The following SLCO3A1 variants were observed in gnomAD, a reference collection of about 807,000 sequenced individuals.
The protein encoded by SLCO3A1 is PGE1 transporter.
A neutral mutation model predicts 63.1 loss-of-function variants in SLCO3A1; 27 were observed. That is an observed-to-expected ratio of 0.43 (90% CI 0.32 to 0.59). The LOEUF is 0.59. SLCO3A1 is among the 20% of genes least tolerant of loss of function. The pLI is 0.09. For missense variants in SLCO3A1, 773 were observed against 945.8 expected (o/e 0.82, Z 2.40); for synonymous variants, 473 against 409.9 (o/e 1.15, Z -1.86).
chr15:91,914,890 A>G (rs1425678443), intron 1 of SLCO3A1, among the ~76,000 whole-genome samples: 2 of 152,056 alleles, frequency 1.3e-5, no homozygotes, highest in Non-Finnish European at 2.9e-5. Context: ...TTTCTCTTCC[A>G]TGATGAAATC....
intron 2 of SLCO3A1, among the ~76,000 whole-genome samples, chr15:91,926,931 G>C (rs1189426528): frequency 2.6e-5 from 4 of 152,120 alleles, no homozygotes; most frequent in Admixed American, 6.5e-5. Context: ...GTTAGACTTT[G>C]GTGACAGGCA....
At chr15:92,069,947 A>G (rs2047195753) in intron 2 of SLCO3A1, among the ~76,000 whole-genome samples, 1 of 152,256 alleles carries the variant, frequency 6.6e-6, no homozygotes, top group Non-Finnish European at 1.5e-5. Context: ...TTATAATAAG[A>G]AAGTGAAAAT....
chr15:92,030,409 G>T (rs7498044), intron 2 of SLCO3A1, among the ~76,000 whole-genome samples: 1 of 152,076 alleles, frequency 6.6e-6, no homozygotes, highest in Non-Finnish European at 1.5e-5. Flanking sequence ...GATGGTGGTG[G>T]TGGGCTGGCA....
intron 1 of SLCO3A1, among the ~76,000 whole-genome samples, chr15:91,913,741 T>C (rs566036960): frequency 6.6e-6 from 1 of 152,334 alleles, no homozygotes; most frequent in African/African-American, 2.4e-5. Flanking sequence ...TCCATATTTG[T>C]AGATTTGGAG....
chr15:92,155,133 G>A (rs564539833), intron 9 of SLCO3A1: 2 of 152,186 alleles, frequency 1.3e-5, no homozygotes, highest in South Asian at 2.1e-4. Flanking sequence ...TAAACTGAAC[G>A]ATCTACTCAT....
intron 1 of SLCO3A1, among the ~76,000 whole-genome samples, chr15:91,891,140 GA>G (rs72116786): frequency 0.34 from 48,145 of 141,754 alleles, 10,573 homozygotes; most frequent in African/African-American, 0.63. Flanking sequence ...TGGCATTTTG[GA>G]AAAAAAAAAA....
chr15:92,101,937 C>G (rs1228910018), intron 3 of SLCO3A1, among the ~76,000 whole-genome samples: 1 of 152,168 alleles, frequency 6.6e-6, no homozygotes, highest in Non-Finnish European at 1.5e-5. Context: ...GACACGTTCA[C>G]ACAAACCACC....
intron 1 of SLCO3A1, among the ~76,000 whole-genome samples, chr15:91,867,127 G>A (rs1449719878): frequency 2.0e-5 from 3 of 152,218 alleles, no homozygotes; most frequent in East Asian, 3.9e-4. Context: ...AGTTAGCAGC[G>A]CGGAGGCTGT....
intron 7 of SLCO3A1, among the ~76,000 whole-genome samples, chr15:92,142,780 C>T (rs749196494): frequency 3.9e-5 from 6 of 152,102 alleles, no homozygotes; most frequent in Admixed American, 6.5e-5. Context: ...CTCATTTTAT[C>T]CCATTCCATG....
chr15:92,155,904 A>G (rs1567152246), intron 9 of SLCO3A1, among the ~76,000 whole-genome samples: 1 of 152,150 alleles, frequency 6.6e-6, no homozygotes, highest in Non-Finnish European at 1.5e-5. Context: ...CCACAATACC[A>G]CTACAAACTC....
intron 1 of SLCO3A1, among the ~76,000 whole-genome samples, chr15:91,880,170 C>T (rs4600443): frequency 0.37 from 44,732 of 119,372 alleles, 8,737 homozygotes; most frequent in African/African-American, 0.43. Flanking sequence ...TCCATCCATC[C>T]ATCTATCTAT....
intron 2 of SLCO3A1, among the ~76,000 whole-genome samples, chr15:92,025,206 G>T (rs1293553954): frequency 1.3e-5 from 2 of 148,948 alleles, no homozygotes; most frequent in Non-Finnish European, 1.5e-5. Flanking sequence ...TTTTTCTTGG[G>T]TTTTTTGTTT....
chr15:91,857,102 C>CTGTG (rs1207877760), intron 1 of SLCO3A1, among the ~76,000 whole-genome samples: 1 of 126,522 alleles, frequency 7.9e-6, no homozygotes, highest in Non-Finnish European at 1.8e-5. Flanking sequence ...GTGTGTGTGT[C>CTGTG]TGTGTGTGTG....
intron 2 of SLCO3A1, among the ~76,000 whole-genome samples, chr15:91,922,817 C>A (rs1469956753): frequency 6.6e-6 from 1 of 152,190 alleles, no homozygotes. Context: ...TTTGTTTTGG[C>A]CATATTCCAT....
downstream of SLCO3A1, chr15:92,165,916 C>T (rs940482301): frequency 2.0e-6 from 2 of 984,836 alleles, no homozygotes; most frequent in Non-Finnish European, 2.4e-6. Context: ...CTAGAGTTCT[C>T]TCTCTTCTGC....
intron 2 of SLCO3A1, among the ~76,000 whole-genome samples, chr15:91,977,646 C>T (rs1289563656): frequency 6.6e-6 from 1 of 152,082 alleles, no homozygotes; most frequent in African/African-American, 2.4e-5. Flanking sequence ...TAAAGGACTA[C>T]ATATTGGGTA....
intron 4 of SLCO3A1, among the ~76,000 whole-genome samples, chr15:92,114,686 C>A (rs1177829165): frequency 6.6e-6 from 1 of 152,156 alleles, no homozygotes; most frequent in East Asian, 1.9e-4. Context: ...TCTAAGACCT[C>A]CCTGCTCTCT....
At position 92,047,976 on chromosome 15, in the gene SLCO3A1, G is replaced by A. The variant is rs139548307; in HGVS notation, c.647-46905G>A. Among the ~76,000 whole-genome samples the A allele has an allele frequency of 2.0e-5, 3 of 151,946 alleles. No homozygotes were observed. In the East Asian group the frequency reaches 5.8e-4, roughly 30 times the overall value. On this transcript the variant is annotated intron_variant, in intron 2 of 9. Transcript: ENST00000318445. ...GAGCTGAGGTTGGGTGCCCAGGACA[G>A]TGATGTTCTCACTGAACTACAGGGT...
intron 4 of SLCO3A1, among the ~76,000 whole-genome samples, chr15:92,105,628 C>T (rs374317855): frequency 6.6e-5 from 10 of 152,226 alleles, no homozygotes; most frequent in East Asian, 3.9e-4. Context: ...GACTATCAGG[C>T]GAGGTATGTG....
Sources: gnomAD v4.1 joint callset for allele counts (sites outside exome capture counted in the v4.1 genomes callset) on GRCh38, gnomAD v4.1.1 for gene constraint, MANE v1.5 for transcripts, NCBI Gene and HGNC (gene_info 2026-07-23, HGNC 2026-07-21) for gene names.